Variants in SDK1 observed in about 807,000 individuals in gnomAD.
The protein encoded by SDK1 is sidekick cell adhesion molecule 1.
A neutral mutation model predicts 245.5 loss-of-function variants in SDK1; 157 were observed. That is an observed-to-expected ratio of 0.64 (90% confidence interval 0.56 to 0.73). The LOEUF (loss-of-function observed/expected upper bound fraction) is 0.73. Ranked by LOEUF, SDK1 falls within the 30% of genes least tolerant of loss-of-function variation. The pLI, the probability that SDK1 is intolerant of heterozygous loss-of-function variation, is 0.00. For synonymous variants in SDK1, 1,647 were observed against 1,278.5 expected (o/e 1.29, Z -6.15); for missense variants, 3,583 against 3,002.3 (o/e 1.19, Z -4.52).
rs1466869667 is a variant in SDK1, at chr7:4,012,164, G to A, written c.2349G>A (p.Gln783=). The change falls in exon 16 of 45, where the codon CAG becomes CAA. Residue 783 remains glutamine (Q), a synonymous_variant. Coordinates refer to ENST00000404826, the MANE Select transcript of SDK1 (RefSeq NM_152744.4). ...KNIVASGRTN[Q]SIMVQWQPPP... The stretch of plus-strand genomic sequence containing the variant: ...TAGTGGCCAGTGGGCGGACTAATCA[G>A]TCCATTATGGTCCAGTGGCAGCCAC... 2.5e-6 allele frequency: 4 copies of A among 1,579,274 alleles called. No individual in the cohort carries two copies. The highest frequency in any genetic ancestry group is 2.7e-5 in the African/African-American group (2 of 73,158).
rs113160953 is a variant in SDK1, at chr7:3,860,390, T to C, written c.847+38807T>C. On this transcript the variant is annotated intron_variant, in intron 5 of 44. Coordinates refer to ENST00000404826, the MANE Select transcript of SDK1 (RefSeq NM_152744.4). ...AGAAGGTTGATAGGTGATGAATACA[T>C]ATTGCCAGTAAATGCATGAAAAGAT... 3.8e-3 allele frequency among the ~76,000 whole-genome samples: 573 copies of C among 152,272 alleles called. 2 individuals are homozygous for C. The highest frequency in any genetic ancestry group is 0.013 in the African/African-American group (528 of 41,554).
intron 1 of SDK1, among the ~76,000 whole-genome samples, chr7:3,452,099 G>C (rs1780532264): frequency 6.6e-6 from 1 of 152,184 alleles, no homozygotes; most frequent in African/African-American, 2.4e-5. Context: ...AGGATTTCAA[G>C]GGTAAGCCGA....
At chr7:3,935,113 C>T (rs894693603) in intron 5 of SDK1, among the ~76,000 whole-genome samples, 3 of 152,166 alleles carry the variant, frequency 2.0e-5, no homozygotes, top group African/African-American at 7.2e-5. Flanking sequence ...TTGGTAGGAA[C>T]TGATGGGTAC....
intron 4 of SDK1, among the ~76,000 whole-genome samples, chr7:3,690,805 C>G (rs1784419566): frequency 6.6e-6 from 1 of 152,170 alleles, no homozygotes; most frequent in African/African-American, 2.4e-5. Context: ...TATGACTTGT[C>G]TTTAGACATC....
chr7:4,210,204 A>G (rs755746281), intron 38 of SDK1, 42 bp downstream of exon 38: 12 of 1,483,446 alleles, frequency 8.1e-6, no homozygotes, highest in Non-Finnish European at 1.1e-5. Context: ...GGGCCACACC[A>G]GTGCCCAGCC....
At chr7:3,764,476 A>C (rs1030677184) in intron 4 of SDK1, among the ~76,000 whole-genome samples, 1 of 152,282 alleles carries the variant, frequency 6.6e-6, no homozygotes, top group East Asian at 1.9e-4. Flanking sequence ...ACCTGAGCTC[A>C]GGAGTTCGAG....
At chr7:3,826,361 C>T (rs1044656990) in intron 5 of SDK1, among the ~76,000 whole-genome samples, 1 of 152,186 alleles carries the variant, frequency 6.6e-6, no homozygotes, top group South Asian at 2.1e-4. Flanking sequence ...GAATGGAAAT[C>T]CATATTTTAC....
intron 4 of SDK1, among the ~76,000 whole-genome samples, chr7:3,772,363 A>G (rs1013601789): frequency 2.6e-5 from 4 of 152,134 alleles, no homozygotes; most frequent in Non-Finnish European, 5.9e-5. Flanking sequence ...CTTCAATATT[A>G]TACAAAGTGC....
At chr7:3,620,248 G>T (rs1583235239) in intron 2 of SDK1, among the ~76,000 whole-genome samples, 1 of 151,984 alleles carries the variant, frequency 6.6e-6, no homozygotes, top group South Asian at 2.1e-4. Flanking sequence ...TCAGTTGTCT[G>T]TGTGTTTGTA....
At chr7:4,201,106 G>A (rs1358935347) in intron 35 of SDK1, among the ~76,000 whole-genome samples, 3 of 152,192 alleles carry the variant, frequency 2.0e-5, no homozygotes, top group East Asian at 3.9e-4. Context: ...CCAGACACGG[G>A]GCTCTGCATT....
rs76063074 is a variant in SDK1 at position 3,568,774 on chromosome 7, G to T, written c.299-50306G>T. 3.3e-4 allele frequency among the ~76,000 whole-genome samples: 50 copies of T among 152,176 alleles called. No individual in the cohort carries two copies. In the East Asian group the frequency reaches 9.7e-3, roughly 29 times the overall value. On this transcript the variant is annotated intron_variant, in intron 1 of 44. Coordinates refer to ENST00000404826, the MANE Select transcript of SDK1 (RefSeq NM_152744.4). ...TTATCCTGAGCTGATGTCATCTTTG[G>T]GAGTACCTGTAATGGATCTGATCAC...
At chr7:3,820,421 CA>C (rs1779616136) in intron 4 of SDK1, among the ~76,000 whole-genome samples, 1 of 152,144 alleles carries the variant, frequency 6.6e-6, no homozygotes, top group African/African-American at 2.4e-5. Flanking sequence ...GTGCTGGGAT[CA>C]CAGATGTGAG....
At chr7:3,893,643 G>A (rs567445719) in intron 5 of SDK1, among the ~76,000 whole-genome samples, 1 of 151,668 alleles carries the variant, frequency 6.6e-6, no homozygotes, top group Non-Finnish European at 1.5e-5. Context: ...CAGGAGCTCT[G>A]GTTAAGAGAT....
chr7:3,778,821 G>A (rs187604681), intron 4 of SDK1, among the ~76,000 whole-genome samples: 49 of 152,302 alleles, frequency 3.2e-4, no homozygotes, highest in African/African-American at 1.2e-3. Flanking sequence ...CGATTTCAAA[G>A]TGCTTCAATG....
chr7:4,138,465 G>A (rs1324750955), intron 28 of SDK1, among the ~76,000 whole-genome samples: 5 of 152,142 alleles, frequency 3.3e-5, no homozygotes, highest in Non-Finnish European at 7.3e-5. Context: ...ATTACCAAAG[G>A]CCAGGCATGG....
chr7:3,580,386 C>G (rs1439443354), intron 1 of SDK1, among the ~76,000 whole-genome samples: 3 of 152,138 alleles, frequency 2.0e-5, no homozygotes, highest in Non-Finnish European at 4.4e-5. Flanking sequence ...TACCTGACTT[C>G]AAATTATACT....
chr7:3,443,134 G>C (rs1161095991), intron 1 of SDK1, among the ~76,000 whole-genome samples: 2 of 151,416 alleles, frequency 1.3e-5, no homozygotes, highest in African/African-American at 4.9e-5. Context: ...GTAATTAAGA[G>C]AGTTCAAGAT....
At chr7:4,055,063 T>G in intron 19 of SDK1, among the ~76,000 whole-genome samples, 1 of 152,186 alleles carries the variant, frequency 6.6e-6, no homozygotes, top group Admixed American at 6.5e-5. Flanking sequence ...TTGTCTTTTT[T>G]TGTGTGTTAT....
At chr7:3,556,016 C>T (rs1369081384) in intron 1 of SDK1, among the ~76,000 whole-genome samples, 1 of 151,890 alleles carries the variant, frequency 6.6e-6, no homozygotes, top group East Asian at 1.9e-4. Flanking sequence ...GGAGGTTTCT[C>T]AAAAAAGTAA....
Sources: allele counts gnomAD v4.1 joint callset (sites outside exome capture counted in the v4.1 genomes callset), GRCh38; gene constraint gnomAD v4.1.1; transcripts MANE v1.5; gene names NCBI Gene and HGNC (gene_info 2026-07-23, HGNC 2026-07-21).